The following COL6A1 variants were observed in gnomAD, a reference collection of about 807,000 sequenced individuals.
COL6A1 encodes collagen type VI alpha 1 chain.
COL6A1 carries 80 observed loss-of-function variants against 145.6 expected under a neutral mutation model. The ratio of observed to expected loss-of-function variants is 0.55; its 90% CI spans 0.46 to 0.66. COL6A1 has a LOEUF of 0.66. COL6A1 is among the 30% of genes least tolerant of loss of function. The pLI is 0.00. For synonymous variants in COL6A1, 638 were observed against 622.8 expected, an observed-to-expected ratio of 1.02 and a Z score of -0.36; for missense variants, 1,364 against 1,473.8, an observed-to-expected ratio of 0.93 and a Z score of 1.22.
At chr21:45,997,639 T>C in intron 21 of COL6A1, 61 bp from the exon 22 acceptor site, 1 of 1,556,656 alleles carries the variant, frequency 6.4e-7, no homozygotes, top group Non-Finnish European at 8.7e-7. Context: ...AGGAGGGCCC[T>C]GCTTCCCTCC....
chr21:45,990,032 G>A (rs1240412353), intron 11 of COL6A1, among the ~76,000 whole-genome samples: 20 of 5,658 alleles, frequency 3.5e-3, no homozygotes, highest in African/African-American at 0.011. Flanking sequence ...CTGCGGAGCC[G>A]GGGGTCCCCC....
At chr21:45,986,145 C>T (rs988916697) in intron 3 of COL6A1, among the ~76,000 whole-genome samples, 6 of 152,270 alleles carry the variant, frequency 3.9e-5, no homozygotes, top group South Asian at 4.1e-4. Flanking sequence ...CCACGGTGAC[C>T]GAGCAGCCTT....
Position 46,003,799 on chromosome 21 carries a change from C to A in COL6A1, c.2873C>A (p.Ala958Asp), listed in dbSNP as rs763228065. The A allele has an allele frequency of 1.1e-4, 175 of 1,609,382 alleles. No homozygotes were observed. The highest frequency in any genetic ancestry group is 5.0e-4 in the Middle Eastern group (3 of 6,050). ...GCCACGCCCGCTGCCATCGAGAAGG[C>A]CGTGCAGGAAGCCCAGCGGGCAGGC... ...QGATPAAIEKAVQEAQRAGIE... is the reference protein window; with the variant it reads ...QGATPAAIEKDVQEAQRAGIE... The change falls in exon 35 of 35, where the codon GCC becomes GAC. Residue 958 changes from alanine (A) to aspartate (D), a missense_variant. Ala to Asp is a moderately radical substitution (Grantham distance 126). Coordinates refer to ENST00000361866, the MANE Select transcript of COL6A1 (RefSeq NM_001848.3).
intron 27 of COL6A1, among the ~76,000 whole-genome samples, chr21:45,999,976 TGGAGG>T (rs1569518926): frequency 4.1e-4 from 4 of 9,828 alleles, no homozygotes; most frequent in South Asian, 2.3e-3. Flanking sequence ...GTGAGGATCA[TGGAGG>T]GGGACATGTG....
intron 30 of COL6A1, 66 bp from the exon 31 acceptor site, chr21:46,001,893 TCA>T: frequency 7.1e-7 from 1 of 1,402,976 alleles, no homozygotes; most frequent in Non-Finnish European, 9.9e-7. Context: ...GCCAATAGAG[TCA>T]CCCTTGGGAA....
chr21:45,999,314 G>A (rs2077824957), intron 26 of COL6A1, 96 bp downstream of exon 26: 2 of 1,249,630 alleles, frequency 1.6e-6, no homozygotes, highest in Admixed American at 2.0e-5. Context: ...GAGAGTGGGA[G>A]GCGGCGGGAG....
chr21:45,982,789 C>T (rs774912172), intron 2 of COL6A1, 26 bp downstream of exon 2: 2 of 1,610,100 alleles, frequency 1.2e-6, no homozygotes, highest in South Asian at 2.2e-5. Flanking sequence ...CGTGACCTTC[C>T]TCCTGTGCTT....
At position 45,991,341 on chromosome 21, in the gene COL6A1, G is replaced by A. The variant is rs559806183; in HGVS notation, c.1119+300G>A. ...CTCGGCACAGATGGGACCCCACCGC[G>A]TCACTCCTAGCCTGCGAGCCGCAGC... On this transcript the variant is annotated intron_variant, in intron 15 of 34. Transcript: ENST00000361866. Among the ~76,000 whole-genome samples, 169 of 152,314 alleles carry A rather than the reference G, an allele frequency of 1.1e-3. 2 individuals carry two copies. The highest frequency in any genetic ancestry group is 0.01 in the East Asian group (53 of 5,190).
At chr21:45,982,935 G>T (rs1241993272) in intron 2 of COL6A1, among the ~76,000 whole-genome samples, 172 bp downstream of exon 2, 1 of 152,192 alleles carries the variant, frequency 6.6e-6, no homozygotes, top group African/African-American at 2.4e-5. Flanking sequence ...GGCCCTTTCC[G>T]GCGCCCTCCA....
Position 46,004,133 on chromosome 21 carries a change from A to G in COL6A1, c.*120A>G. 1 of 1,381,664 alleles carries G rather than the reference A, an allele frequency of 7.2e-7. No homozygotes were observed. Among genetic ancestry groups the G allele is most frequent in the South Asian group, 1.3e-5 (1 of 78,748 alleles). The allele number at this position is 1,381,664 out of a possible 1,614,324, so 85.6% of individuals were successfully genotyped here. The stretch of plus-strand genomic sequence containing the variant: ...CTGATTCGCTAGATTTTTTTTAAGG[A>G]AAAGCTTGGAAAGCCAGGACACAAC... On this transcript the variant is annotated 3_prime_UTR_variant, in exon 35 of 35. Coordinates refer to ENST00000361866, the MANE Select transcript of COL6A1 (RefSeq NM_001848.3).
At chr21:46,000,707 T>C (rs2077839068) in intron 28 of COL6A1, 52 bp from the exon 29 acceptor site, 2 of 1,613,422 alleles carry the variant, frequency 1.2e-6, no homozygotes, top group African/African-American at 1.3e-5. Flanking sequence ...CTTTCTGACG[T>C]GCGCAGGACG....
In COL6A1 at chr21:46,003,660, G is replaced by A. The variant is rs1319201964; in HGVS notation, c.2734G>A (p.Asp912Asn). 5.0e-6 allele frequency: 8 copies of A among 1,612,956 alleles called. No individual in the cohort carries two copies. In the Admixed American group the frequency reaches 5.0e-5, roughly 10 times the overall value. ...CGTCGATGCCATGGACTTTATCAAC[G>A]ACGCCACCGACGTCAACGATGCCCT... is the stretch of plus-strand genomic sequence containing the variant. ...SAVDAMDFIN[D>N]ATDVNDALGY... The change falls in exon 35 of 35, where the codon GAC (aspartate) becomes AAC (asparagine). Residue 912 changes from aspartate (D) to asparagine (N), a missense_variant. This residue lies in a region of COL6A1 where 938 missense variants were observed against 1,003.8 expected (regional missense o/e 0.93). Coordinates refer to ENST00000361866, the MANE Select transcript of COL6A1 (RefSeq NM_001848.3).
Position 45,994,094 on chromosome 21 carries a change from C to T in COL6A1, c.1336-73C>T. Reference sequence around the variant, plus strand: ...TGACCACCTGGACAGCATGCTGTGGCTCCCAGCGTGCCCGGGCAGCCATCC... The same window carrying T: ...TGACCACCTGGACAGCATGCTGTGGTTCCCAGCGTGCCCGGGCAGCCATCC... On this transcript the variant is annotated intron_variant, in intron 19 of 34. Coordinates refer to ENST00000361866, the MANE Select transcript of COL6A1 (RefSeq NM_001848.3). The surrounding 1 kb of genome is among the most constrained non-coding windows in gnomAD (Gnocchi z 6.8). 4.1e-6 allele frequency: 6 copies of T among 1,446,862 alleles called. No individual in the cohort carries two copies. Among genetic ancestry groups the T allele is most frequent in the Non-Finnish European group, 5.7e-6 (6 of 1,051,254 alleles). The allele number at this position is 1,446,862 out of a possible 1,614,324, so 89.6% of individuals were successfully genotyped here.
At position 46,003,157 on chromosome 21, in the gene COL6A1, C is replaced by A; in HGVS notation, c.2464+8C>A. 2 of 1,614,012 alleles carry A rather than the reference C, an allele frequency of 1.2e-6. No individual in the cohort carries two copies. The highest frequency in any genetic ancestry group is 1.7e-6 in the Non-Finnish European group (2 of 1,179,960). ...CAGATTACACCTGCCCCAGTGAGTA[C>A]CTCGGCGGCCGGGACACGTGGGGAG... On this transcript the variant is annotated splice_region_variant and intron_variant, in intron 34 of 34. Transcript: ENST00000361866.
rs374395304 is a variant in COL6A1, at chr21:46,002,086, G to A, written c.2066+16G>A. 139 of 1,604,350 alleles carry A rather than the reference G, an allele frequency of 8.7e-5. 2 individuals are homozygous for A. In the South Asian group the frequency reaches 8.7e-4, roughly 10 times the overall value. ...AGCTCAAGGAGTGAGTGCCCCACGC[G>A]GCCAGGACCCTCCCACCCCTCGCCC... On this transcript the variant is annotated intron_variant, in intron 31 of 34. Coordinates refer to ENST00000361866, the MANE Select transcript of COL6A1 (RefSeq NM_001848.3).
At chr21:45,992,529 C>A in intron 18 of COL6A1, 131 bp downstream of exon 18, 2 of 1,195,806 alleles carry the variant, frequency 1.7e-6, no homozygotes, top group Non-Finnish European at 2.4e-6. Context: ...GGTTTCTTCA[C>A]CCACACGTCC....
At chr21:45,986,838 G>GC in intron 4 of COL6A1, 106 bp from the exon 5 acceptor site, 2 of 1,525,904 alleles carry the variant, frequency 1.3e-6, no homozygotes, top group Non-Finnish European at 1.8e-6. Context: ...CTCCTGCTGA[G>GC]GAGCCTGGAG....
chr21:45,989,426 A>G (rs2077760898), intron 9 of COL6A1, among the ~76,000 whole-genome samples, 182 bp from the exon 10 acceptor site: 1 of 152,052 alleles, frequency 6.6e-6, no homozygotes, highest in Non-Finnish European at 1.5e-5. Flanking sequence ...CCCAAATCCT[A>G]TCCATAGACT....
chr21:45,992,763 A>G lies in COL6A1; in HGVS notation c.1288A>G (p.Arg430Gly), dbSNP rs765199652. 1 of 1,599,178 alleles carries G rather than the reference A, an allele frequency of 6.3e-7. No homozygotes were observed. Among genetic ancestry groups the G allele is most frequent in the South Asian group, 1.1e-5 (1 of 88,352 alleles). The part of the protein sequence containing the change: ...APGERGGPGE[R>G]GPRGTPGTRG... ...CTCCACTCAGGGTGGCCCTGGAGAG[A>G]GAGGACCACGGGGGACCCCAGGCAC... The change falls in exon 19 of 35, where the codon AGA becomes GGA. Residue 430 changes from arginine (R) to glycine (G), a missense_variant. Physicochemically the swap from Arg to Gly is moderately radical, Grantham distance 125 (BLOSUM62 -2). Transcript: ENST00000361866.
Sources: gnomAD v4.1 joint callset for allele counts (sites outside exome capture counted in the v4.1 genomes callset) on GRCh38, gnomAD v4.1.1 for gene constraint, gnomAD v4.1.1 regional missense constraint, Gnocchi (gnomAD v3.1) non-coding constraint, MANE v1.5 for transcripts, NCBI Gene and HGNC (gene_info 2026-07-23, HGNC 2026-07-21) for gene names.